The following WDPCP variants were observed in gnomAD, a reference collection of about 807,000 sequenced individuals.
The protein encoded by WDPCP is WD repeat containing planar cell polarity effector, also known as WD repeat-containing and planar cell polarity effector protein fritz homolog.
A neutral mutation model predicts 93.1 loss-of-function variants in WDPCP; 71 were observed. That is an observed-to-expected ratio of 0.76 (90% CI 0.63 to 0.93). WDPCP has a LOEUF of 0.93. Among genes scored for constraint, WDPCP ranks in the 40% least tolerant of loss-of-function variants. WDPCP has a pLI of 0.00. For synonymous variants in WDPCP, 315 were observed against 315.0 expected (o/e 1.00, Z 0.00); for missense variants, 844 against 887.4 (o/e 0.95, Z 0.62).
chr2:63,786,785 A>G (rs1484976265), intron 2 of WDPCP, among the ~76,000 whole-genome samples: 1 of 152,226 alleles, frequency 6.6e-6, no homozygotes, highest in African/African-American at 2.4e-5. Flanking sequence ...ATGAAAAAGA[A>G]TGATTCATAC....
chr2:63,652,756 C>T (rs536844194), intron 2 of WDPCP, among the ~76,000 whole-genome samples: 74 of 87,190 alleles, frequency 8.5e-4, no homozygotes, highest in Admixed American at 1.4e-3. Flanking sequence ...GCTCTTAGTA[C>T]CTGGTTGGAA....
chr2:63,450,217 C>G (rs761355715), intron 6 of WDPCP, among the ~76,000 whole-genome samples: 1 of 152,188 alleles, frequency 6.6e-6, no homozygotes, highest in Non-Finnish European at 1.5e-5. Context: ...GGCTGCCTGT[C>G]TGGGGCTATG....
At chr2:63,565,863 T>A (rs911863038) in intron 1 of WDPCP, among the ~76,000 whole-genome samples, 3 of 152,216 alleles carry the variant, frequency 2.0e-5, no homozygotes, top group Non-Finnish European at 4.4e-5. Context: ...TCTCTCACCA[T>A]CTGCAGGTAC....
intron 1 of WDPCP, chr2:63,518,429 T>G (rs1266339681): frequency 6.6e-6 from 1 of 152,210 alleles, no homozygotes; most frequent in Non-Finnish European, 1.5e-5. Flanking sequence ...GTCATCTGCT[T>G]TCACCAGGAA....
At chr2:63,818,019 C>T (rs1400941277) in intron 1 of WDPCP, among the ~76,000 whole-genome samples, 8 of 152,168 alleles carry the variant, frequency 5.3e-5, no homozygotes, top group Non-Finnish European at 1.2e-4. Flanking sequence ...AAAGTCATCA[C>T]ATTTTATCCA....
chr2:63,144,500 C>T (rs370765915), intron 17 of WDPCP, among the ~76,000 whole-genome samples: 120 of 152,290 alleles, frequency 7.9e-4, no homozygotes, highest in East Asian at 6.2e-3. Flanking sequence ...GTGATCTGCC[C>T]GCCTCACCCT....
At chr2:63,704,937 T>C (rs1468780067) in intron 2 of WDPCP, among the ~76,000 whole-genome samples, 1 of 152,182 alleles carries the variant, frequency 6.6e-6, no homozygotes, top group East Asian at 1.9e-4. Context: ...CTGGACTTTT[T>C]TTGATTGGTA....
At chr2:63,352,612 G>A (rs971942576) in intron 12 of WDPCP, among the ~76,000 whole-genome samples, 4 of 152,190 alleles carry the variant, frequency 2.6e-5, no homozygotes, top group African/African-American at 9.6e-5. Flanking sequence ...ACAGCCAGAA[G>A]CCTGAATACA....
intron 17 of WDPCP, among the ~76,000 whole-genome samples, chr2:63,140,322 A>G (rs1369062979): frequency 6.6e-6 from 1 of 152,088 alleles, no homozygotes; most frequent in Admixed American, 6.6e-5. Context: ...TATGAATTTT[A>G]GAATTGTTTT....
intron 1 of WDPCP, among the ~76,000 whole-genome samples, chr2:63,579,489 A>C (rs1708348422): frequency 6.6e-6 from 1 of 152,180 alleles, no homozygotes; most frequent in East Asian, 1.9e-4. Flanking sequence ...ACACACCTGT[A>C]GTCCCAGCTA....
At chr2:63,413,008 A>G (rs1380620736) in intron 9 of WDPCP, among the ~76,000 whole-genome samples, 2 of 152,300 alleles carry the variant, frequency 1.3e-5, no homozygotes, top group South Asian at 4.1e-4. Context: ...TCTTCATGGA[A>G]TTAGAAAAAC....
chr2:63,474,633 C>A (rs763685615), intron 6 of WDPCP, among the ~76,000 whole-genome samples: 4 of 152,064 alleles, frequency 2.6e-5, no homozygotes, highest in Non-Finnish European at 5.9e-5. Context: ...CTCTTTAAAA[C>A]CATCTGTATC....
At chr2:63,455,571 T>A (rs1021837552) in intron 6 of WDPCP, among the ~76,000 whole-genome samples, 8 of 150,768 alleles carry the variant, frequency 5.3e-5, no homozygotes, top group Admixed American at 2.0e-4. Context: ...AGTAAAAAAA[T>A]AAAAATAAAA....
intron 15 of WDPCP, among the ~76,000 whole-genome samples, chr2:63,165,373 C>T (rs1056300797): frequency 2.6e-5 from 4 of 151,916 alleles, no homozygotes; most frequent in African/African-American, 9.7e-5. Context: ...ACTAAAACAA[C>T]CTTGTATTTT....
chr2:63,206,150 T>C (rs1301546431), intron 14 of WDPCP, among the ~76,000 whole-genome samples: 6 of 152,212 alleles, frequency 3.9e-5, no homozygotes, highest in Non-Finnish European at 8.8e-5. Context: ...TTTTGAACCA[T>C]CCTTTCCTCC....
chr2:63,594,976 C>T (rs937766406), intron 3 of WDPCP: 12 of 247,544 alleles, frequency 4.8e-5, no homozygotes, highest in South Asian at 4.0e-4. Flanking sequence ...GCAGGCACTC[C>T]GACTTCCAGC....
At chr2:63,228,097 A>C (rs1440809116) in intron 14 of WDPCP, among the ~76,000 whole-genome samples, 1 of 152,104 alleles carries the variant, frequency 6.6e-6, no homozygotes, top group Non-Finnish European at 1.5e-5. Flanking sequence ...GACTCAAACT[A>C]TGACTTTCTT....
rs546510820 is a variant in WDPCP, at chr2:63,703,778, T to A, written n.309-52940A>T. Among the ~76,000 whole-genome samples the A allele has an allele frequency of 3.3e-5, 5 of 152,326 alleles. No individual in the cohort carries two copies. The South Asian group carries it at 1.0e-3, about 32-fold the overall frequency. On this transcript the variant is annotated intron_variant and non_coding_transcript_variant, in intron 2 of 4. Coordinates refer to the WDPCP transcript ENST00000467687. ...TTTTGGCTTAGGATTGACTTGGCAA[T>A]GTGGACTCTTTTTTGGTTACATATG...
At chr2:63,549,746 G>A (rs1047498216) in intron 1 of WDPCP, among the ~76,000 whole-genome samples, 6 of 152,130 alleles carry the variant, frequency 3.9e-5, no homozygotes, top group East Asian at 1.9e-4. Context: ...CATCCTGGAC[G>A]ACAGAGTGAG....
Sources: gnomAD v4.1 joint callset for allele counts (sites outside exome capture counted in the v4.1 genomes callset) on GRCh38, gnomAD v4.1.1 for gene constraint, MANE v1.5 for transcripts, NCBI Gene and HGNC (gene_info 2026-07-23, HGNC 2026-07-21) for gene names.